The following FOXP1 variants were observed in gnomAD, a reference collection of about 807,000 sequenced individuals.
The protein encoded by FOXP1 is forkhead box P1.
A neutral mutation model predicts 98.2 loss-of-function variants in FOXP1; 15 were observed. That is an observed-to-expected ratio of 0.15 (90% CI 0.10 to 0.24). The LOEUF is 0.24. Ranked by LOEUF, FOXP1 falls within the 10% of genes least tolerant of loss-of-function variation. The probability of loss-of-function intolerance (pLI) is 1.00; values close to 1 mark genes in which losing one functional copy is unlikely to be tolerated. For synonymous variants in FOXP1, 371 were observed against 314.5 expected, an observed-to-expected ratio of 1.18 and a Z score of -1.90; for missense variants, 633 against 848.5, an observed-to-expected ratio of 0.75 and a Z score of 3.15.
chr3:71,408,873 G>T (rs1229081107), intron 3 of FOXP1, among the ~76,000 whole-genome samples: 1 of 152,144 alleles, frequency 6.6e-6, no homozygotes, highest in East Asian at 1.9e-4. Flanking sequence ...GTATCTTAGA[G>T]GCAGAATCGA....
chr3:71,008,589 A>C (rs1373814803), intron 12 of FOXP1, among the ~76,000 whole-genome samples: 2 of 152,186 alleles, frequency 1.3e-5, no homozygotes, highest in African/African-American at 4.8e-5. Flanking sequence ...AGATTAAAAA[A>C]AAATCAACAC....
chr3:71,399,621 C>A (rs1192740000), intron 3 of FOXP1, among the ~76,000 whole-genome samples: 1 of 152,184 alleles, frequency 6.6e-6, no homozygotes, highest in Non-Finnish European at 1.5e-5. Context: ...AGGGGGTTTG[C>A]AACCTTTGAT....
At chr3:71,324,142 T>C (rs960249975) in intron 4 of FOXP1, among the ~76,000 whole-genome samples, 2 of 152,148 alleles carry the variant, frequency 1.3e-5, no homozygotes, top group Non-Finnish European at 2.9e-5. Flanking sequence ...TCAGAAAATA[T>C]AGATTCCCAA....
chr3:71,014,478 A>G (rs1576163761), intron 12 of FOXP1, among the ~76,000 whole-genome samples: 1 of 152,224 alleles, frequency 6.6e-6, no homozygotes, highest in African/African-American at 2.4e-5. Flanking sequence ...CAATCATTAA[A>G]AAGTCGGGAA....
chr3:71,481,620 C>T (rs543949142), intron 3 of FOXP1, among the ~76,000 whole-genome samples: 61 of 152,234 alleles, frequency 4.0e-4, no homozygotes, highest in African/African-American at 1.4e-3. Context: ...AATGTTTATT[C>T]CCCAACCCCA....
intron 14 of FOXP1, among the ~76,000 whole-genome samples, chr3:70,978,826 T>A (rs2038158887): frequency 6.6e-6 from 1 of 152,182 alleles, no homozygotes; most frequent in African/African-American, 2.4e-5. Context: ...GATCTGTTAA[T>A]TTTTTTTATT....
intron 6 of FOXP1, among the ~76,000 whole-genome samples, chr3:71,140,234 C>A (rs79552861): frequency 2.0e-3 from 309 of 152,250 alleles, no homozygotes; most frequent in Non-Finnish European, 3.6e-3. Context: ...GCATGACATC[C>A]ATTTATGTTT....
At chr3:71,387,676 T>C (rs983040450) in intron 3 of FOXP1, among the ~76,000 whole-genome samples, 27 of 152,254 alleles carry the variant, frequency 1.8e-4, no homozygotes, top group African/African-American at 6.0e-4. Flanking sequence ...AAAAGCGATA[T>C]ATGCATGTGT....
chr3:70,958,220 G>T lies in FOXP1; in HGVS notation c.*1027C>A. ...GCAAAAAAAAAAAAAGAAAAGAAAA[G>T]AAAAAAAGAAAATCCGAAACACCCC... On this transcript the variant is annotated 3_prime_UTR_variant, in exon 21 of 21. Coordinates refer to ENST00000649528, the MANE Select transcript of FOXP1 (RefSeq NM_001349338.3). 5.1e-6 allele frequency: 2 copies of T among 391,262 alleles called. No individual in the cohort carries two copies. Among genetic ancestry groups the T allele is most frequent in the East Asian group, 9.8e-5 (2 of 20,400 alleles). 24.2% of individuals were successfully genotyped at this position (391,262 alleles called of 1,614,324 possible). A position where few individuals can be genotyped will look rare whatever the true frequency, so the allele number is the denominator to read the frequency against.
intron 3 of FOXP1, among the ~76,000 whole-genome samples, chr3:71,469,329 C>G (rs1038548893): frequency 6.6e-6 from 1 of 152,138 alleles, no homozygotes; most frequent in Non-Finnish European, 1.5e-5. Flanking sequence ...GACTTCAGAA[C>G]GGATAGCAAT....
chr3:71,282,899 C>T (rs979506557), intron 5 of FOXP1, among the ~76,000 whole-genome samples: 3 of 152,198 alleles, frequency 2.0e-5, no homozygotes, highest in African/African-American at 7.2e-5. Context: ...TAGTACCAAA[C>T]AACAAGCTAT....
intron 6 of FOXP1, among the ~76,000 whole-genome samples, chr3:71,144,178 G>C (rs2060198267): frequency 6.6e-6 from 1 of 152,218 alleles, no homozygotes. Context: ...GAGGGTCAGA[G>C]ATAAAAGCAC....
intron 3 of FOXP1, among the ~76,000 whole-genome samples, chr3:71,486,975 C>T (rs544369888): frequency 1.3e-5 from 2 of 152,210 alleles, no homozygotes; most frequent in Admixed American, 6.5e-5. Flanking sequence ...ACTTGCCCTG[C>T]ACCGGTCAGC....
At chr3:71,395,238 T>C (rs1337941972) in intron 3 of FOXP1, among the ~76,000 whole-genome samples, 2 of 151,602 alleles carry the variant, frequency 1.3e-5, no homozygotes, top group African/African-American at 4.9e-5. Flanking sequence ...AGTTCCCTTT[T>C]AGCATTAAAG....
intron 7 of FOXP1, among the ~76,000 whole-genome samples, chr3:71,082,291 A>G (rs1488889570): frequency 1.3e-5 from 2 of 151,914 alleles, no homozygotes; most frequent in African/African-American, 4.8e-5. Context: ...AAAAAGAAAA[A>G]AAAAAAAAAA....
At chr3:71,506,536 G>A (rs1191740696) in intron 2 of FOXP1, among the ~76,000 whole-genome samples, 4 of 152,118 alleles carry the variant, frequency 2.6e-5, no homozygotes, top group Non-Finnish European at 5.9e-5. Flanking sequence ...GGGTTCCACG[G>A]TATCCTTCCC....
At chr3:71,215,615 C>T (rs1344017839) in intron 5 of FOXP1, among the ~76,000 whole-genome samples, 4 of 152,136 alleles carry the variant, frequency 2.6e-5, no homozygotes. Context: ...CTCTTCTCCC[C>T]ATCATAAAAT....
At chr3:71,583,807 T>TGGC (rs535627863), upstream of FOXP1, 1,722 of 986,562 alleles carry the variant, frequency 1.7e-3, 23 homozygotes, top group African/African-American at 0.025. Flanking sequence ...CCAGCGCCGG[T>TGGC]GGCGGCGGCG....
Position 71,277,261 on chromosome 3 carries a change from C to CT in FOXP1, c.-12+22558dup, listed in dbSNP as rs34816352. Among the ~76,000 whole-genome samples, 1,201 of 133,726 alleles carry CT rather than the reference C, an allele frequency of 9.0e-3. 9 individuals carry two copies. Among genetic ancestry groups the CT allele is most frequent in the East Asian group, 0.014 (61 of 4,456 alleles). The allele number at this position is 133,726 out of a possible 152,430, so 87.7% of individuals were successfully genotyped here. A position where few individuals can be genotyped will look rare whatever the true frequency, so the allele number is the denominator to read the frequency against. ...GCATGAGCCACCGCACCTGGCTGAA[C>CT]TTTTTTTTTTTTTTTTTTTAACTTC... On this transcript the variant is annotated intron_variant, in intron 5 of 20. Coordinates refer to ENST00000649528, the MANE Select transcript of FOXP1 (RefSeq NM_001349338.3).
Sources: allele counts gnomAD v4.1 joint callset (sites outside exome capture counted in the v4.1 genomes callset), GRCh38; gene constraint gnomAD v4.1.1; transcripts MANE v1.5; gene names NCBI Gene and HGNC (gene_info 2026-07-23, HGNC 2026-07-21).